The following PRKCH variants were observed in gnomAD, a reference collection of about 807,000 sequenced individuals.
The protein encoded by PRKCH is protein kinase C eta.
PRKCH carries 28 observed loss-of-function variants against 82.5 expected under a neutral mutation model. The ratio of observed to expected loss-of-function variants is 0.34; its 90% CI spans 0.25 to 0.47. PRKCH has a LOEUF of 0.47. Among genes scored for constraint, PRKCH ranks in the 20% least tolerant of loss-of-function variants. The pLI is 1.00. For missense variants in PRKCH, 705 were observed against 881.8 expected, an observed-to-expected ratio of 0.80 and a Z score of 2.54; for synonymous variants, 322 against 327.4, an observed-to-expected ratio of 0.98 and a Z score of 0.18.
intron 2 of PRKCH, among the ~76,000 whole-genome samples, chr14:61,393,883 C>G (rs941149861): frequency 6.6e-6 from 1 of 152,240 alleles, no homozygotes; most frequent in African/African-American, 2.4e-5. Context: ...CGGTTTCCCT[C>G]CTTCACGTGT....
At chr14:61,444,577 T>A (rs1884126733) in intron 3 of PRKCH, among the ~76,000 whole-genome samples, 1 of 151,762 alleles carries the variant, frequency 6.6e-6, no homozygotes, top group Non-Finnish European at 1.5e-5. Context: ...CCAACCAGCC[T>A]TTAACGCTCC....
intron 10 of PRKCH, among the ~76,000 whole-genome samples, chr14:61,515,172 G>A (rs138113458): frequency 0.011 from 1,615 of 152,306 alleles, 20 homozygotes; most frequent in Middle Eastern, 0.017. Flanking sequence ...TAGACAGGGA[G>A]GGGGTGAAGA....
intron 9 of PRKCH, among the ~76,000 whole-genome samples, chr14:61,459,383 A>G (rs1472739093): frequency 6.6e-6 from 1 of 152,254 alleles, no homozygotes; most frequent in East Asian, 1.9e-4. Flanking sequence ...TATGTCATAC[A>G]GGGTCAACAG....
chr14:61,406,738 T>G (rs1881970773), intron 2 of PRKCH, among the ~76,000 whole-genome samples: 1 of 152,200 alleles, frequency 6.6e-6, no homozygotes, highest in Non-Finnish European at 1.5e-5. Flanking sequence ...TAGGTATTTC[T>G]CTGACTGATT....
At chr14:61,456,340 T>G (rs1480926648) in intron 7 of PRKCH, among the ~76,000 whole-genome samples, 2 of 152,232 alleles carry the variant, frequency 1.3e-5, no homozygotes, top group Non-Finnish European at 2.9e-5. Flanking sequence ...GCATGAAGTG[T>G]ATTCACTCCA....
Position 61,315,394 on chromosome 14 carries a change from A to C in PRKCH, c.-19+127726A>C, listed in dbSNP as rs573458095. Among the ~76,000 whole-genome samples, 31 of 152,074 alleles carry C rather than the reference A, an allele frequency of 2.0e-4. 1 individual carries two copies. The highest frequency in any genetic ancestry group is 6.5e-4 in the African/African-American group (27 of 41,482). ...GTGATCCAATTCACTTAACGCTTCA[A>C]CTCTCGGTTTCCTTATTTGTGAAAT... On this transcript the variant is annotated intron_variant, in intron 1 of 3. Transcript: ENST00000555185.
intron 1 of PRKCH, among the ~76,000 whole-genome samples, chr14:61,286,297 T>A (rs1393896491): frequency 3.3e-5 from 5 of 149,368 alleles, no homozygotes; most frequent in African/African-American, 1.2e-4. Flanking sequence ...TGCCTGGACT[T>A]CATTTTTTAT....
chr14:61,474,559 G>T (rs1205945499), intron 9 of PRKCH, among the ~76,000 whole-genome samples: 3 of 151,952 alleles, frequency 2.0e-5, no homozygotes, highest in African/African-American at 7.3e-5. Flanking sequence ...CCTGGCAGGG[G>T]ATGGGGGGCT....
intron 1 of PRKCH, among the ~76,000 whole-genome samples, chr14:61,249,838 C>A (rs1390438729): frequency 6.6e-6 from 1 of 151,108 alleles, no homozygotes. Flanking sequence ...TCAGGCTGGT[C>A]TCAAACTCCT....
At chr14:61,473,014 G>T (rs908344861) in intron 9 of PRKCH, among the ~76,000 whole-genome samples, 3 of 152,170 alleles carry the variant, frequency 2.0e-5, no homozygotes, top group Admixed American at 6.5e-5. Flanking sequence ...ATTGATCCTC[G>T]TGGAGGTTGG....
rs560259729 is a variant in PRKCH at position 61,498,163 on chromosome 14, G to A, written c.1433+12507G>A. 5.9e-5 allele frequency among the ~76,000 whole-genome samples: 9 copies of A among 152,078 alleles called. No individual in the cohort carries two copies. In the South Asian group the frequency reaches 8.3e-4, roughly 14 times the overall value. On this transcript the variant is annotated intron_variant, in intron 10 of 13. Transcript: ENST00000332981. ...CAAGTGCCTGGGATTGCAGACATGCGCCACCACACTCGGCTAATTTTTGTA... is the reference window on the plus strand; with the variant it reads ...CAAGTGCCTGGGATTGCAGACATGCACCACCACACTCGGCTAATTTTTGTA...
At chr14:61,392,249 A>C (rs1380679516) in intron 2 of PRKCH, among the ~76,000 whole-genome samples, 2 of 152,062 alleles carry the variant, frequency 1.3e-5, no homozygotes, top group African/African-American at 4.8e-5. Flanking sequence ...TCTGGACATA[A>C]CACTTTCATT....
chr14:61,273,787 C>A (rs1405180939), intron 1 of PRKCH, among the ~76,000 whole-genome samples: 1 of 152,196 alleles, frequency 6.6e-6, no homozygotes, highest in Non-Finnish European at 1.5e-5. Context: ...TTAGATGCAT[C>A]TCTGCATCCA....
chr14:61,253,977 T>TCCTC (rs547034638), intron 1 of PRKCH, among the ~76,000 whole-genome samples: 885 of 74,108 alleles, frequency 0.012, 6 homozygotes, highest in Middle Eastern at 0.013. Flanking sequence ...CCTCCCTCCC[T>TCCTC]CCTCCCTCCC....
At chr14:61,410,721 G>C (rs528310898) in intron 2 of PRKCH, among the ~76,000 whole-genome samples, 1 of 152,114 alleles carries the variant, frequency 6.6e-6, no homozygotes, top group Non-Finnish European at 1.5e-5. Flanking sequence ...AAAGATAAGC[G>C]TTACCTGTAG....
chr14:61,235,469 C>T (rs1250139447), intron 1 of PRKCH, among the ~76,000 whole-genome samples: 1 of 152,118 alleles, frequency 6.6e-6, no homozygotes, highest in Non-Finnish European at 1.5e-5. Flanking sequence ...AAGAATTTGC[C>T]CCTACCAGCG....
chr14:61,541,836 C>G (rs1406430707), intron 12 of PRKCH, among the ~76,000 whole-genome samples: 1 of 152,190 alleles, frequency 6.6e-6, no homozygotes, highest in East Asian at 1.9e-4. Flanking sequence ...TCTGGAACAT[C>G]CAACAACTCA....
At chr14:61,471,613 C>T (rs971276024) in intron 9 of PRKCH, among the ~76,000 whole-genome samples, 1 of 151,972 alleles carries the variant, frequency 6.6e-6, no homozygotes, top group African/African-American at 2.4e-5. Context: ...TTGACCCTCA[C>T]CAACAGGTCA....
At chr14:61,238,781 C>T (rs1300860384) in intron 1 of PRKCH, among the ~76,000 whole-genome samples, 1 of 152,184 alleles carries the variant, frequency 6.6e-6, no homozygotes. Flanking sequence ...ATTAATCTAA[C>T]GTTTTCATTA....
Sources: allele counts gnomAD v4.1 joint callset (sites outside exome capture counted in the v4.1 genomes callset), GRCh38; gene constraint gnomAD v4.1.1; transcripts MANE v1.5; gene names NCBI Gene and HGNC (gene_info 2026-07-23, HGNC 2026-07-21).